Variants in UTRN observed in about 807,000 individuals in gnomAD.
UTRN encodes the protein utrophin.
Under a neutral mutation model 463.9 loss-of-function variants are expected in UTRN, and 283 were observed. The ratio of observed to expected loss-of-function variants is 0.61; its 90% CI spans 0.55 to 0.67. The LOEUF is 0.67. UTRN is among the 30% of genes least tolerant of loss of function. UTRN has a pLI of 0.00. For missense variants in UTRN, 3,922 were observed against 4,084.3 expected, an observed-to-expected ratio of 0.96 and a Z score of 1.08; for synonymous variants, 1,442 against 1,431.5, an observed-to-expected ratio of 1.01 and a Z score of -0.17.
chr6:144,299,528 G>T (rs1805043183), intron 2 of UTRN, among the ~76,000 whole-genome samples: 1 of 151,720 alleles, frequency 6.6e-6, no homozygotes, highest in African/African-American at 2.4e-5. Flanking sequence ...GATGAAACCT[G>T]GTGCATTTCT....
chr6:144,516,835 G>T lies in UTRN; in HGVS notation c.5428G>T (p.Glu1810Ter). The part of the protein sequence containing the change: ...EKMDEESAQI[E>*]EVLQRGEEML... ...GATGGATGAGGAGAGTGCCCAGATT[G>T]AGGAAGTTCTACAAAGAGGAGAAGA... The change falls in exon 39 of 75, where the codon GAG becomes TAG. Residue 1810 changes from glutamate to a stop codon, truncating the protein, a stop_gained. Coordinates refer to ENST00000367545, the MANE Select transcript of UTRN (RefSeq NM_007124.3). LOFTEE classifies it high-confidence loss of function. 1.3e-6 allele frequency: 2 copies of T among 1,501,650 alleles called. No homozygotes were observed. The highest frequency in any genetic ancestry group is 2.8e-5 in the South Asian group (2 of 71,694). The allele number at this position is 1,501,650 out of a possible 1,614,324, so 93.0% of individuals were successfully genotyped here.
At chr6:144,695,732 A>G (rs967902071) in intron 52 of UTRN, among the ~76,000 whole-genome samples, 1 of 152,238 alleles carries the variant, frequency 6.6e-6, no homozygotes, top group African/African-American at 2.4e-5. Flanking sequence ...TTCAATCTGT[A>G]CAAGAGAAGA....
At chr6:144,748,970 T>G (rs1177803175) in intron 55 of UTRN, among the ~76,000 whole-genome samples, 2 of 151,698 alleles carry the variant, frequency 1.3e-5, no homozygotes, top group Non-Finnish European at 2.9e-5. Context: ...CTCTACTCGG[T>G]ATCTCTTGTA....
chr6:144,681,650 T>C (rs1452550810), intron 52 of UTRN, among the ~76,000 whole-genome samples: 1 of 151,328 alleles, frequency 6.6e-6, no homozygotes, highest in East Asian at 1.9e-4. Flanking sequence ...AAGAACTGAG[T>C]CTACTCAGTC....
chr6:144,810,856 G>T (rs936641332), intron 65 of UTRN, among the ~76,000 whole-genome samples: 17 of 151,994 alleles, frequency 1.1e-4, no homozygotes, highest in Admixed American at 1.1e-3. Context: ...GCAACAACAG[G>T]AAAAAAATAC....
chr6:144,805,074 A>C (rs1778028867), intron 65 of UTRN, among the ~76,000 whole-genome samples: 1 of 152,172 alleles, frequency 6.6e-6, no homozygotes, highest in South Asian at 2.1e-4. Flanking sequence ...GTGGGTGGAC[A>C]GGGATGGACA....
chr6:144,550,926 G>A, intron 47 of UTRN, 39 bp from the exon 48 acceptor site: 6 of 1,524,246 alleles, frequency 3.9e-6, no homozygotes, highest in Middle Eastern at 1.8e-4. Context: ...TTCTCATATG[G>A]CTTATTAACC....
At chr6:144,670,527 A>T (rs1780901212) in intron 51 of UTRN, among the ~76,000 whole-genome samples, 1 of 152,000 alleles carries the variant, frequency 6.6e-6, no homozygotes, top group Non-Finnish European at 1.5e-5. Flanking sequence ...TCTGGATGTT[A>T]GTCCTTTGCT....
Position 144,616,967 on chromosome 6 carries a change from C to T in UTRN, c.7479+39679C>T, listed in dbSNP as rs551946028. On this transcript the variant is annotated intron_variant, in intron 51 of 74. Coordinates refer to ENST00000367545, the MANE Select transcript of UTRN (RefSeq NM_007124.3). ...ATTGACTATCCTTTGCCTTTGAATCCGTGAGCAGAAATCTATTATTGAATA... is the reference window on the plus strand; with the variant it reads ...ATTGACTATCCTTTGCCTTTGAATCTGTGAGCAGAAATCTATTATTGAATA... Among the ~76,000 whole-genome samples, 6 of 152,212 alleles carry T rather than the reference C, an allele frequency of 3.9e-5. No individual in the cohort carries two copies. The South Asian group carries it at 6.2e-4, about 16-fold the overall frequency.
rs531190477 is a variant in UTRN, at chr6:144,456,105, A to T, written c.2284+2236A>T. ...GTTTTAAAGATGCATCTATTAAAAA[A>T]TTTTTTTTAGGACAACAGTGGGAAG... On this transcript the variant is annotated intron_variant, in intron 19 of 74. Transcript: ENST00000367545. Among the ~76,000 whole-genome samples, 9 of 152,164 alleles carry T rather than the reference A, an allele frequency of 5.9e-5. No homozygotes were observed. In the East Asian group the frequency reaches 1.2e-3, roughly 20 times the overall value.
chr6:144,759,436 A>C (rs1792387211), intron 58 of UTRN, among the ~76,000 whole-genome samples: 1 of 152,134 alleles, frequency 6.6e-6, no homozygotes, highest in African/African-American at 2.4e-5. Flanking sequence ...TAATCTTACA[A>C]ATTTAGATAT....
chr6:144,817,197 A>C (rs919644717), intron 65 of UTRN, among the ~76,000 whole-genome samples: 1 of 152,218 alleles, frequency 6.6e-6, no homozygotes, highest in African/African-American at 2.4e-5. Context: ...CATGATGGTT[A>C]AATGAGATTG....
At chr6:144,710,246 A>G (rs1455244848) in intron 53 of UTRN, among the ~76,000 whole-genome samples, 1 of 152,240 alleles carries the variant, frequency 6.6e-6, no homozygotes, top group Non-Finnish European at 1.5e-5. Context: ...AATATAAAAA[A>G]CAGAAAACCA....
intron 46 of UTRN, among the ~76,000 whole-genome samples, chr6:144,544,394 C>G (rs1179315231): frequency 2.6e-5 from 4 of 152,160 alleles, no homozygotes; most frequent in African/African-American, 9.7e-5. Context: ...AAACCTCTTA[C>G]TCATTAAGCA....
intron 49 of UTRN, among the ~76,000 whole-genome samples, chr6:144,556,697 A>T (rs968090520): frequency 1.3e-5 from 2 of 152,194 alleles, no homozygotes; most frequent in African/African-American, 4.8e-5. Flanking sequence ...AGCTTGATCC[A>T]TTCAAGTGGT....
intron 45 of UTRN, among the ~76,000 whole-genome samples, chr6:144,542,215 T>A (rs1798034745): frequency 6.6e-6 from 1 of 152,188 alleles, no homozygotes; most frequent in Non-Finnish European, 1.5e-5. Flanking sequence ...GAAGAGTTTA[T>A]GAAACGGGTG....
chr6:144,539,578 T>C (rs1797818725), intron 45 of UTRN, 135 bp downstream of exon 45: 1 of 882,738 alleles, frequency 1.1e-6, no homozygotes. Flanking sequence ...AATGTTTATA[T>C]TTTTTATCTG....
At position 144,782,103 on chromosome 6, in the gene UTRN, G is replaced by A; in HGVS notation, c.8814G>A (p.Trp2938Ter). The A allele has an allele frequency of 6.2e-7, 1 of 1,609,264 alleles. No homozygotes were observed. The highest frequency in any genetic ancestry group is 8.5e-7 in the Non-Finnish European group (1 of 1,176,676). The change falls in exon 61 of 75, where the codon TGG becomes TGA. Residue 2938 changes from tryptophan to a stop codon, truncating the protein, a stop_gained. Coordinates refer to ENST00000367545, the MANE Select transcript of UTRN (RefSeq NM_007124.3). LOFTEE classifies it high-confidence loss of function. Reference protein sequence around the residue: ...VPLCVDMCLNWLLNVYDTGRT... With the variant: ...VPLCVDMCLN ...TCTGTGTTGATATGTGTCTCAATTGGTTGCTCAATGTCTATGACACGTAAG... is the reference window on the plus strand; with the variant it reads ...TCTGTGTTGATATGTGTCTCAATTGATTGCTCAATGTCTATGACACGTAAG...
chr6:144,510,804 A>G (rs1795100772), intron 34 of UTRN, 140 bp from the exon 35 acceptor site: 1 of 686,772 alleles, frequency 1.5e-6, no homozygotes, highest in South Asian at 6.2e-5. Flanking sequence ...GGAATTTTGT[A>G]AACTTTGACA....
Sources: allele counts gnomAD v4.1 joint callset (sites outside exome capture counted in the v4.1 genomes callset), GRCh38; gene constraint gnomAD v4.1.1; transcripts MANE v1.5; gene names NCBI Gene and HGNC (gene_info 2026-07-23, HGNC 2026-07-21).